Variants in NOL9 observed in about 807,000 individuals in gnomAD.
NOL9 encodes polynucleotide 5'-hydroxyl-kinase NOL9.
NOL9 carries 28 observed loss-of-function variants against 67.9 expected under a neutral mutation model. The ratio of observed to expected loss-of-function variants is 0.41; its 90% CI spans 0.31 to 0.57. NOL9 has a LOEUF of 0.57. Ranked by LOEUF, NOL9 falls within the 20% of genes least tolerant of loss-of-function variation. The probability of loss-of-function intolerance (pLI) is 0.25; values close to 1 mark genes in which losing one functional copy is unlikely to be tolerated. For missense variants in NOL9, 777 were observed against 897.0 expected (o/e 0.87, Z 1.71); for synonymous variants, 356 against 352.2 (o/e 1.01, Z -0.12).
At chr1:6,536,007 G>C (rs559456687) in intron 6 of NOL9, among the ~76,000 whole-genome samples, 1 of 151,814 alleles carries the variant, frequency 6.6e-6, no homozygotes, top group Non-Finnish European at 1.5e-5. Context: ...GGTCCAGACC[G>C]GGCTACAAAG....
rs1287698159 is a variant in NOL9 at position 6,541,010 on chromosome 1, C to CTTTTTTT, written c.1075+819_1075+820insAAAAAAA. Reference sequence around the variant, plus strand: ...ATAAAATCTGTAGACTGGTTAACAGCGTTTTTTTTTTTTTTTTTTTTTTTG... The same window carrying CTTTTTTT: ...ATAAAATCTGTAGACTGGTTAACAGCTTTTTTTGTTTTTTTTTTTTTTTTTTTTTTTG... On this transcript the variant is annotated intron_variant, in intron 6 of 11. Coordinates refer to ENST00000377705, the MANE Select transcript of NOL9 (RefSeq NM_024654.5). 8 of 123,092 alleles carry CTTTTTTT rather than the reference C, an allele frequency of 6.5e-5. 3 individuals are homozygous for CTTTTTTT. Among genetic ancestry groups the CTTTTTTT allele is most frequent in the African/African-American group, 6.1e-5 (2 of 32,590 alleles). 7.6% of individuals were successfully genotyped at this position (123,092 alleles called of 1,614,324 possible).
chr1:6,530,337 C>G (rs2148650848), intron 9 of NOL9, among the ~76,000 whole-genome samples: 1 of 152,186 alleles, frequency 6.6e-6, no homozygotes, highest in South Asian at 2.1e-4. Flanking sequence ...GCCTGTAATC[C>G]CAGCTACTCG....
chr1:6,525,685 T>C lies in NOL9; in HGVS notation c.*169A>G. Reference sequence around the variant, plus strand: ...GAACAAATTCTAGCTCATGCAGCTTTAAAAGAGAAACTTAAGACTACTATA... The same window carrying C: ...GAACAAATTCTAGCTCATGCAGCTTCAAAAGAGAAACTTAAGACTACTATA... On this transcript the variant is annotated 3_prime_UTR_variant, in exon 12 of 12. Transcript: ENST00000377705. 1 of 712,084 alleles carries C rather than the reference T, an allele frequency of 1.4e-6. No individual in the cohort carries two copies. The highest frequency in any genetic ancestry group is 2.4e-6 in the Non-Finnish European group (1 of 422,846). The allele number at this position is 712,084 out of a possible 1,614,324, so 44.1% of individuals were successfully genotyped here. A position where few individuals can be genotyped will look rare whatever the true frequency, so the allele number is the denominator to read the frequency against.
intron 3 of NOL9, among the ~76,000 whole-genome samples, chr1:6,546,234 A>T (rs1639419801): frequency 1.3e-5 from 2 of 152,198 alleles, no homozygotes; most frequent in Admixed American, 1.3e-4. Context: ...GTGGTGGTGA[A>T]GTCCCAGAAA....
intron 8 of NOL9, 80 bp downstream of exon 8, chr1:6,532,382 AG>A (rs1639048789): frequency 7.6e-7 from 1 of 1,323,404 alleles, no homozygotes; most frequent in Non-Finnish European, 1.1e-6. Flanking sequence ...TAGAGGACTC[AG>A]GCCTTTAGAG....
chr1:6,539,751 T>C (rs1258583363), intron 6 of NOL9, among the ~76,000 whole-genome samples: 1 of 152,194 alleles, frequency 6.6e-6, no homozygotes, highest in African/African-American at 2.4e-5. Flanking sequence ...CCCAAAGTGC[T>C]GGGATTACAG....
chr1:6,538,297 C>T (rs1639200811), intron 6 of NOL9, among the ~76,000 whole-genome samples: 1 of 152,076 alleles, frequency 6.6e-6, no homozygotes. Flanking sequence ...GATTGTACAT[C>T]TCATAAAGGA....
chr1:6,525,940 A>G lies in NOL9; in HGVS notation c.2023T>C (p.Ser675Pro), dbSNP rs751622788. ...GGTTCTCTTGCTCCAATTTTCTCTG[A>G]TGCTCCAGGAAGTTTAAAATTGTAA... ...TDYNFKLPGA[S>P]EKIGAREPEE... The change falls in exon 12 of 12, where the codon TCA (serine) becomes CCA (proline). Residue 675 changes from serine to proline, a missense_variant. Coordinates refer to ENST00000377705, the MANE Select transcript of NOL9 (RefSeq NM_024654.5). 1 of 1,613,938 alleles carries G rather than the reference A, an allele frequency of 6.2e-7. No homozygotes were observed. The highest frequency in any genetic ancestry group is 1.1e-5 in the South Asian group (1 of 91,078).
At position 6,526,846 on chromosome 1, in the gene NOL9, C is replaced by T; in HGVS notation, c.1826-17G>A. 6.4e-7 allele frequency: 1 copy of T among 1,567,854 alleles called. No individual in the cohort carries two copies. The highest frequency in any genetic ancestry group is 8.6e-7 in the Non-Finnish European group (1 of 1,157,904). The stretch of plus-strand genomic sequence containing the variant: ...TACAGATGCCTTCAAGACACGCGCA[C>T]AACACAAAAATCACCCTTTTGGAAA... On this transcript the variant is annotated splice_polypyrimidine_tract_variant and intron_variant, in intron 10 of 11. Transcript: ENST00000377705.
intron 6 of NOL9, among the ~76,000 whole-genome samples, chr1:6,540,308 G>C (rs1639254965): frequency 6.6e-6 from 1 of 151,772 alleles, no homozygotes; most frequent in African/African-American, 2.4e-5. Flanking sequence ...ATTTTTAGTA[G>C]AGACGGGGTT....
At chr1:6,544,750 T>A (rs1639383258) in intron 5 of NOL9, 76 bp downstream of exon 5, 1 of 1,462,944 alleles carries the variant, frequency 6.8e-7, no homozygotes, top group African/African-American at 1.4e-5. Flanking sequence ...CCAAGAAGCA[T>A]TCCCTCCAAA....
At chr1:6,548,057 A>G (rs1055314301) in intron 3 of NOL9, 6 of 256,612 alleles carry the variant, frequency 2.3e-5, no homozygotes, top group Admixed American at 1.8e-4. Context: ...CTCTGTACCA[A>G]GAAGGTTGGG....
Position 6,523,161 on chromosome 1 carries a change from CAAAAAAAAAGAAA to C in NOL9, c.*2680_*2692del, listed in dbSNP as rs1421690993. 1 of 98,264 alleles carries C rather than the reference CAAAAAAAAAGAAA, an allele frequency of 1.0e-5. No individual in the cohort carries two copies. Among genetic ancestry groups the C allele is most frequent in the Non-Finnish European group, 2.0e-5 (1 of 49,932 alleles). 6.1% of individuals were successfully genotyped at this position (98,264 alleles called of 1,614,324 possible). On this transcript the variant is annotated 3_prime_UTR_variant, in exon 12 of 12. Transcript: ENST00000377705. Reference sequence around the variant, plus strand: ...TGGGTGACAGAGCGAGACTCTGTCTCAAAAAAAAAGAAAAAAAAAAAAGAATAGCTCCAATGGA... The same window carrying C: ...TGGGTGACAGAGCGAGACTCTGTCTCAAAAAAAAAGAATAGCTCCAATGGA...
chr1:6,549,808 T>C, intron 2 of NOL9, 110 bp from the exon 3 acceptor site: 1 of 1,337,280 alleles, frequency 7.5e-7, no homozygotes, highest in Non-Finnish European at 1.0e-6. Flanking sequence ...GAGTAGGAAT[T>C]ACGGTTGAGA....
chr1:6,548,084 C>T, intron 3 of NOL9: 2 of 233,392 alleles, frequency 8.6e-6, no homozygotes, highest in Non-Finnish European at 9.0e-6. Context: ...CCAAAATTTG[C>T]ATTGGCGTGG....
chr1:6,527,903 C>T (rs1167193816), intron 10 of NOL9, among the ~76,000 whole-genome samples: 1 of 152,088 alleles, frequency 6.6e-6, no homozygotes, highest in Non-Finnish European at 1.5e-5. Flanking sequence ...TGCACTCCAG[C>T]CTGGGCGACA....
At position 6,545,027 on chromosome 1, in the gene NOL9, T is replaced by A; in HGVS notation, c.880+18A>T. The A allele has an allele frequency of 6.2e-7, 1 of 1,614,098 alleles. No homozygotes were observed. On this transcript the variant is annotated intron_variant, in intron 4 of 11. Transcript: ENST00000377705. ...TCTGGTGGACAGACATTCAGGGTGATCAATGTGTATTACTCACCACAGGAA... is the reference window on the plus strand; with the variant it reads ...TCTGGTGGACAGACATTCAGGGTGAACAATGTGTATTACTCACCACAGGAA...
At chr1:6,532,219 A>G in intron 8 of NOL9, 140 bp from the exon 9 acceptor site, 1 of 760,076 alleles carries the variant, frequency 1.3e-6, no homozygotes, top group Non-Finnish European at 2.2e-6. Context: ...CCAACTGGAA[A>G]AACAGGAAGT....
In NOL9 at chr1:6,550,427, G is replaced by C. The variant is rs1167376129; in HGVS notation, c.585C>G (p.Ala195=). 1.2e-6 allele frequency: 2 copies of C among 1,613,952 alleles called. No homozygotes were observed. Among genetic ancestry groups the C allele is most frequent in the Admixed American group, 3.3e-5 (2 of 59,956 alleles). ...EKSKKELKRE[A]RNLLKSHLNL... ...TAAGATGAGATTTGAGCAAATTCCGGGCTTCCCTTTTCAGTTCCTTCTTGC... is the reference window on the plus strand; with the variant it reads ...TAAGATGAGATTTGAGCAAATTCCGCGCTTCCCTTTTCAGTTCCTTCTTGC... The change falls in exon 2 of 12, where the codon GCC becomes GCG. Residue 195 remains alanine, a synonymous_variant. Transcript: ENST00000377705.
Sources: allele counts gnomAD v4.1 joint callset (sites outside exome capture counted in the v4.1 genomes callset), GRCh38; gene constraint gnomAD v4.1.1; transcripts MANE v1.5; gene names NCBI Gene and HGNC (gene_info 2026-07-23, HGNC 2026-07-21).